RBMS3: variants seen among roughly 807,000 people sequenced by gnomAD.
The protein encoded by RBMS3 is RNA-binding motif, single-stranded-interacting protein 3.
In RBMS3, 27 loss-of-function variants were observed where a neutral mutation model predicts 66.8. The observed-to-expected ratio is 0.40, with a 90% confidence interval of 0.30 to 0.56. The LOEUF (loss-of-function observed/expected upper bound fraction) is 0.56, where lower values mean the gene tolerates loss of function less well. Among genes scored for constraint, RBMS3 ranks in the 20% least tolerant of loss-of-function variants. The pLI, the probability that RBMS3 is intolerant of heterozygous loss-of-function variation, is 0.40. For synonymous variants in RBMS3, 188 were observed against 183.0 expected (o/e 1.03, Z -0.22); for missense variants, 513 against 549.5 (o/e 0.93, Z 0.66).
chr3:29,940,192 T>G (rs571589128), intron 11 of RBMS3, among the ~76,000 whole-genome samples: 1 of 152,022 alleles, frequency 6.6e-6, no homozygotes, highest in East Asian at 1.9e-4. Context: ...TAAACTGTAA[T>G]AGTTTCCTAA....
intron 4 of RBMS3, among the ~76,000 whole-genome samples, chr3:29,644,782 G>A (rs529058171): frequency 2.0e-5 from 3 of 152,282 alleles, no homozygotes; most frequent in South Asian, 4.1e-4. Context: ...GTTCATGGCT[G>A]ACATTTTTAT....
At position 29,446,868 on chromosome 3, in the gene RBMS3, A is replaced by G. The variant is rs2041849062; in HGVS notation, c.248+11953A>G. On this transcript the variant is annotated intron_variant, in intron 2 of 14. Transcript: ENST00000383767. The stretch of plus-strand genomic sequence containing the variant: ...TAGGTGTGTTTTTTACATAGCATAT[A>G]TTTAAGGAGTGTTTCTTCAATGCTT... Among the ~76,000 whole-genome samples, 3 of 136,882 alleles carry G rather than the reference A, an allele frequency of 2.2e-5. No individual in the cohort carries two copies. The South Asian group carries it at 6.8e-4, about 31-fold the overall frequency. The allele number at this position is 136,882 out of a possible 152,430, so 89.8% of individuals were successfully genotyped here.
intron 1 of RBMS3, among the ~76,000 whole-genome samples, chr3:29,310,133 G>C (rs1178330152): frequency 6.6e-6 from 1 of 151,652 alleles, no homozygotes; most frequent in Admixed American, 6.6e-5. Context: ...GGCACAGGTG[G>C]AGCAATTGGC....
At chr3:29,394,031 A>C (rs2039432019) in intron 1 of RBMS3, among the ~76,000 whole-genome samples, 1 of 152,154 alleles carries the variant, frequency 6.6e-6, no homozygotes, top group Non-Finnish European at 1.5e-5. Context: ...GAGAGCAGAC[A>C]ACTGGTCTGA....
intron 4 of RBMS3, among the ~76,000 whole-genome samples, chr3:29,647,561 C>T (rs960757754): frequency 7.9e-5 from 12 of 151,904 alleles, no homozygotes; most frequent in African/African-American, 2.7e-4. Flanking sequence ...GAAACAAATT[C>T]ACAAACTAAA....
intron 3 of RBMS3, among the ~76,000 whole-genome samples, chr3:29,532,565 A>T (rs1308649421): frequency 6.6e-6 from 1 of 151,980 alleles, no homozygotes; most frequent in Non-Finnish European, 1.5e-5. Context: ...CTCTACAAAA[A>T]AATAAAATTT....
chr3:29,638,011 G>T (rs559984424), intron 4 of RBMS3, among the ~76,000 whole-genome samples: 1 of 151,924 alleles, frequency 6.6e-6, no homozygotes, highest in East Asian at 1.9e-4. Context: ...AAGAATCATG[G>T]TTTGTAAAAG....
At chr3:29,881,067 T>C (rs933881059) in intron 7 of RBMS3, among the ~76,000 whole-genome samples, 1 of 152,118 alleles carries the variant, frequency 6.6e-6, no homozygotes, top group African/African-American at 2.4e-5. Context: ...CCTTACCTTT[T>C]GAGTCTTATT....
intron 1 of RBMS3, among the ~76,000 whole-genome samples, chr3:29,430,976 T>C (rs865926885): frequency 1.3e-5 from 2 of 152,202 alleles, no homozygotes; most frequent in Non-Finnish European, 2.9e-5. Flanking sequence ...TCGGCAAGCA[T>C]GTACTGAACA....
intron 1 of RBMS3, among the ~76,000 whole-genome samples, chr3:29,333,422 A>G (rs192819870): frequency 6.6e-6 from 1 of 152,272 alleles, no homozygotes; most frequent in Admixed American, 6.5e-5. Context: ...TTAACAATTC[A>G]TGGGGCTTGA....
intron 10 of RBMS3, among the ~76,000 whole-genome samples, chr3:29,906,693 A>G (rs1009325474): frequency 2.6e-5 from 4 of 152,114 alleles, no homozygotes; most frequent in African/African-American, 9.7e-5. Flanking sequence ...TAGAATATAT[A>G]CATAAGTTAA....
rs944878194 is a variant in RBMS3, at chr3:29,295,366, T to C, written c.75+13610T>C. On this transcript the variant is annotated intron_variant, in intron 1 of 14. Coordinates refer to ENST00000383767, the MANE Select transcript of RBMS3 (RefSeq NM_001003793.3). ...ATATACATATATATATACACACACA[T>C]ATATATATATACACATATATATATG... Among the ~76,000 whole-genome samples, 53 of 146,030 alleles carry C rather than the reference T, an allele frequency of 3.6e-4. No individual in the cohort carries two copies. In the East Asian group the frequency reaches 4.0e-3, roughly 11 times the overall value.
intron 6 of RBMS3, among the ~76,000 whole-genome samples, chr3:29,801,229 A>G (rs1196546652): frequency 6.6e-6 from 1 of 151,514 alleles, no homozygotes; most frequent in Non-Finnish European, 1.5e-5. Context: ...TTGTGGTTTA[A>G]CTATGTTACT....
chr3:29,748,290 A>ATAT (rs1391122344), intron 5 of RBMS3, among the ~76,000 whole-genome samples: 1 of 152,184 alleles, frequency 6.6e-6, no homozygotes, highest in Non-Finnish European at 1.5e-5. Context: ...TGAAACATTG[A>ATAT]GTAAGGGAAA....
At chr3:29,626,629 G>T (rs549429138) in intron 4 of RBMS3, among the ~76,000 whole-genome samples, 2 of 152,112 alleles carry the variant, frequency 1.3e-5, no homozygotes. Context: ...AATAAAATGG[G>T]AATATACAGA....
At chr3:29,386,773 C>T (rs2039028846) in intron 1 of RBMS3, among the ~76,000 whole-genome samples, 2 of 152,206 alleles carry the variant, frequency 1.3e-5, no homozygotes, top group Non-Finnish European at 2.9e-5. Context: ...TCTCTACTCA[C>T]TGTTTCCACT....
chr3:29,580,413 A>G (rs1236903265), intron 3 of RBMS3, among the ~76,000 whole-genome samples: 1 of 152,152 alleles, frequency 6.6e-6, no homozygotes, highest in Non-Finnish European at 1.5e-5. Context: ...CACTTACTGA[A>G]TGGAACCTGG....
chr3:29,905,750 T>C (rs1163260916), intron 10 of RBMS3, among the ~76,000 whole-genome samples: 2 of 152,088 alleles, frequency 1.3e-5, no homozygotes, highest in Non-Finnish European at 2.9e-5. Flanking sequence ...TGATAGCTGA[T>C]GAGCTAAAAT....
intron 3 of RBMS3, among the ~76,000 whole-genome samples, chr3:29,532,972 G>A (rs1384069392): frequency 6.6e-6 from 1 of 151,986 alleles, no homozygotes; most frequent in African/African-American, 2.4e-5. Context: ...TTTCTACATA[G>A]ATCTTTTTTT....
Sources: allele counts gnomAD v4.1 joint callset (sites outside exome capture counted in the v4.1 genomes callset), GRCh38; gene constraint gnomAD v4.1.1; transcripts MANE v1.5; gene names NCBI Gene and HGNC (gene_info 2026-07-23, HGNC 2026-07-21).